The following TVP23C variants were observed in gnomAD, a reference collection of about 807,000 sequenced individuals.
TVP23C encodes the protein trans-golgi network vesicle protein 23 homolog C.
In TVP23C, 19 loss-of-function variants were observed where a neutral mutation model predicts 28.7. The observed-to-expected ratio is 0.66, with a 90% confidence interval of 0.46 to 0.97. The LOEUF (loss-of-function observed/expected upper bound fraction) is 0.97, where lower values mean the gene tolerates loss of function less well. Ranked by LOEUF, TVP23C falls within the 50% of genes least tolerant of loss-of-function variation. The pLI is 0.00. For missense variants in TVP23C, 186 were observed against 241.3 expected (o/e 0.77, Z 1.52); for synonymous variants, 68 against 81.7 (o/e 0.83, Z 0.90).
intron 1 of TVP23C, 37 bp downstream of exon 1, chr17:15,563,400 G>A (rs1161927406): frequency 3.2e-6 from 5 of 1,580,900 alleles, no homozygotes; most frequent in East Asian, 4.6e-5. Context: ...CCAGTCCCAG[G>A]AGCCGCCACC....
At chr17:15,554,394 C>T (rs1483250056) in intron 2 of TVP23C, among the ~76,000 whole-genome samples, 7 of 151,764 alleles carry the variant, frequency 4.6e-5, no homozygotes, top group Non-Finnish European at 5.9e-5. Context: ...CCTGCCACCA[C>T]GCCCGGCTAA....
chr17:15,523,570 A>T (rs1035617000), intron 5 of TVP23C, among the ~76,000 whole-genome samples: 1 of 151,564 alleles, frequency 6.6e-6, no homozygotes, highest in African/African-American at 2.4e-5. Context: ...TGGCCTCCCA[A>T]AGTGCTGAGA....
In TVP23C at chr17:15,560,091, C is replaced by T. The variant is rs765854939; in HGVS notation, c.12+3346G>A. Among the ~76,000 whole-genome samples the T allele has an allele frequency of 1.3e-5, 2 of 149,194 alleles. 1 individual carries two copies. Among genetic ancestry groups the T allele is most frequent in the Admixed American group, 1.4e-4 (2 of 14,810 alleles). On this transcript the variant is annotated intron_variant, in intron 1 of 5. Transcript: ENST00000518321. ...TTTTCTTTTTTTTGAGACGGAGTCT[C>T]GCTCTGTCGCCAGGCTGGAGTGCAA...
At chr17:15,533,271 T>C (rs1320737674), downstream of TVP23C, among the ~76,000 whole-genome samples, 1 of 152,226 alleles carries the variant, frequency 6.6e-6, no homozygotes, top group Non-Finnish European at 1.5e-5. Flanking sequence ...TAATTCAATC[T>C]GGAGATGGCC....
intron 5 of TVP23C, among the ~76,000 whole-genome samples, chr17:15,517,520 AC>A (rs1982281522): frequency 6.6e-6 from 1 of 152,174 alleles, no homozygotes; most frequent in Admixed American, 6.5e-5. Context: ...TAAGGGTGAT[AC>A]TTTTATCATC....
chr17:15,561,015 G>C (rs985987676), intron 1 of TVP23C, among the ~76,000 whole-genome samples: 1 of 152,024 alleles, frequency 6.6e-6, no homozygotes, highest in African/African-American at 2.4e-5. Flanking sequence ...CAGTAGACAG[G>C]AAGACCTAAG....
chr17:15,525,596 G>A (rs1342953116), intron 5 of TVP23C, among the ~76,000 whole-genome samples: 1 of 152,232 alleles, frequency 6.6e-6, no homozygotes, highest in South Asian at 2.1e-4. Flanking sequence ...CTGCTGGCCT[G>A]CCCTACAGAA....
rs1312243798 is a variant in TVP23C at position 15,539,160 on chromosome 17, A to G, written c.*1252T>C. ...ATGCAAATTATGAGACTCCACCCCC[A>G]GATCTACTGAATAAGGAGTCTGGAG... On this transcript the variant is annotated 3_prime_UTR_variant, in exon 6 of 6. Coordinates refer to ENST00000518321, the MANE Select transcript of TVP23C (RefSeq NM_001135036.2). 1.1e-6 allele frequency: 1 copy of G among 943,718 alleles called. No homozygotes were observed. Among genetic ancestry groups the G allele is most frequent in the Non-Finnish European group, 1.3e-6 (1 of 792,076 alleles). The allele number at this position is 943,718 out of a possible 1,614,324, so 58.5% of individuals were successfully genotyped here. A position where few individuals can be genotyped will look rare whatever the true frequency, so the allele number is the denominator to read the frequency against.
Position 15,538,774 on chromosome 17 carries a change from C to T in TVP23C, c.*1638G>A, listed in dbSNP as rs571530231. ...TTCACCTGTATTCCATGTTCCTCCCCACCTTCAGAAACACTGAAAATTCTA... is the reference window on the plus strand; with the variant it reads ...TTCACCTGTATTCCATGTTCCTCCCTACCTTCAGAAACACTGAAAATTCTA... On this transcript the variant is annotated 3_prime_UTR_variant, in exon 6 of 6. Coordinates refer to ENST00000518321, the MANE Select transcript of TVP23C (RefSeq NM_001135036.2). The T allele has an allele frequency of 2.8e-4, 272 of 985,328 alleles. 1 individual carries two copies. Among genetic ancestry groups the T allele is most frequent in the Admixed American group, 1.5e-3 (25 of 16,278 alleles). The allele number at this position is 985,328 out of a possible 1,614,324, so 61.0% of individuals were successfully genotyped here.
At position 15,549,196 on chromosome 17, in the gene TVP23C, G is replaced by A. The variant is rs547918484; in HGVS notation, c.241-2048C>T. 1.2e-4 allele frequency among the ~76,000 whole-genome samples: 18 copies of A among 152,290 alleles called. No homozygotes were observed. The South Asian group carries it at 3.7e-3, about 32-fold the overall frequency. On this transcript the variant is annotated intron_variant, in intron 3 of 5. Coordinates refer to ENST00000518321, the MANE Select transcript of TVP23C (RefSeq NM_001135036.2). ...GAATCCCTGTATGAAGGTGATGTGGGAGGAAGAAGAGCATTCCAGATAGAG... is the reference window on the plus strand; with the variant it reads ...GAATCCCTGTATGAAGGTGATGTGGAAGGAAGAAGAGCATTCCAGATAGAG...
rs544688066 is a variant in TVP23C, at chr17:15,554,298, C to T, written c.96-469G>A. Among the ~76,000 whole-genome samples the T allele has an allele frequency of 1.7e-4, 23 of 137,854 alleles. No homozygotes were observed. In the East Asian group the frequency reaches 3.8e-3, roughly 23 times the overall value. The allele number at this position is 137,854 out of a possible 152,430, so 90.4% of individuals were successfully genotyped here. A position where few individuals can be genotyped will look rare whatever the true frequency, so the allele number is the denominator to read the frequency against. On this transcript the variant is annotated intron_variant, in intron 2 of 5. Transcript: ENST00000518321. ...CGTCGCCCAGGCTGGAGTTTGGTGG[C>T]GCAATCTCGGCTCACTGCAAACTTC...
At chr17:15,536,024 TC>T (rs1983139701), downstream of TVP23C, among the ~76,000 whole-genome samples, 1 of 152,102 alleles carries the variant, frequency 6.6e-6, no homozygotes, top group South Asian at 2.1e-4. Flanking sequence ...AAATCCCGTC[TC>T]TACTAAAAAT....
intron 3 of TVP23C, among the ~76,000 whole-genome samples, chr17:15,551,386 A>G (rs1010564502): frequency 1.8e-4 from 27 of 151,832 alleles, no homozygotes; most frequent in African/African-American, 5.3e-4. Context: ...GATTATAGGC[A>G]TGAGCCACCG....
chr17:15,532,952 C>A (rs1170338175), downstream of TVP23C, among the ~76,000 whole-genome samples: 1 of 152,116 alleles, frequency 6.6e-6, no homozygotes, highest in African/African-American at 2.4e-5. Context: ...TGGCATCTAC[C>A]TTCAGTAAGC....
rs200288750 is a variant in TVP23C, at chr17:15,547,048, A to C, written c.330+11T>G. ...CTGATAACATTATTTAAAACAAAAA[A>C]GGCACTTTACCTTTCTAGATTCAAA... On this transcript the variant is annotated intron_variant, in intron 4 of 5. Coordinates refer to ENST00000518321, the MANE Select transcript of TVP23C (RefSeq NM_001135036.2). 3,724 of 1,563,294 alleles carry C rather than the reference A, an allele frequency of 2.4e-3. 7 individuals are homozygous for C. The highest frequency in any genetic ancestry group is 3.0e-3 in the Non-Finnish European group (3,498 of 1,160,394).
intron 3 of TVP23C, among the ~76,000 whole-genome samples, chr17:15,549,688 A>G (rs1383927485): frequency 4.6e-5 from 7 of 152,112 alleles, no homozygotes. Flanking sequence ...TCAAAAAAAA[A>G]AAAAAGATTT....
intron 5 of TVP23C, among the ~76,000 whole-genome samples, chr17:15,509,082 G>A (rs1422302873): frequency 6.6e-6 from 1 of 152,238 alleles, no homozygotes. Context: ...ATGAGCAAAT[G>A]TGGAAGGGCA....
intron 2 of TVP23C, among the ~76,000 whole-genome samples, chr17:15,554,545 G>GT (rs1555546817): frequency 6.6e-6 from 1 of 152,060 alleles, no homozygotes; most frequent in Non-Finnish European, 1.5e-5. Flanking sequence ...CCTGTTTCTT[G>GT]TTTTTTAATA....
chr17:15,542,853 G>A (rs1983479534), intron 5 of TVP23C, among the ~76,000 whole-genome samples: 1 of 152,158 alleles, frequency 6.6e-6, no homozygotes, highest in Non-Finnish European at 1.5e-5. Flanking sequence ...TGATTACCTT[G>A]AGCAGTAGGA....
Sources: gnomAD v4.1 joint callset for allele counts (sites outside exome capture counted in the v4.1 genomes callset) on GRCh38, gnomAD v4.1.1 for gene constraint, MANE v1.5 for transcripts, NCBI Gene and HGNC (gene_info 2026-07-23, HGNC 2026-07-21) for gene names.